Variants in RGS6 observed in about 807,000 individuals in gnomAD.
The protein encoded by RGS6 is regulator of G protein signaling 6.
RGS6 carries 30 observed loss-of-function variants against 78.5 expected under a neutral mutation model. That is an observed-to-expected ratio of 0.38 (90% CI 0.29 to 0.52). The LOEUF is 0.52. Among genes scored for constraint, RGS6 ranks in the 20% least tolerant of loss-of-function variants. RGS6 has a pLI of 0.85. For synonymous variants in RGS6, 206 were observed against 206.0 expected, an observed-to-expected ratio of 1.00 and a Z score of 0.00; for missense variants, 495 against 609.7, an observed-to-expected ratio of 0.81 and a Z score of 1.98.
chr14:72,555,524 ATTGCCCAGAGAGG>A (rs1346481205), intron 17 of RGS6, among the ~76,000 whole-genome samples: 1 of 152,234 alleles, frequency 6.6e-6, no homozygotes, highest in African/African-American at 2.4e-5. Flanking sequence ...ATCACCCTGC[ATTGCCCAGAGAGG>A]TTGCCCAGTA....
intron 2 of RGS6, among the ~76,000 whole-genome samples, chr14:72,163,847 C>T (rs1424046267): frequency 6.7e-6 from 1 of 148,180 alleles, no homozygotes; most frequent in Non-Finnish European, 1.5e-5. Flanking sequence ...TGCACCACTG[C>T]ACTCCAGCCT....
At chr14:72,541,156 G>T (rs1311621643) in intron 17 of RGS6, 1 of 1,376,316 alleles carries the variant, frequency 7.3e-7, no homozygotes, top group East Asian at 4.1e-5. Flanking sequence ...CCCAAAGGGT[G>T]GCAGCCCATT....
chr14:72,173,543 C>T (rs993263447), intron 2 of RGS6, among the ~76,000 whole-genome samples: 1 of 152,132 alleles, frequency 6.6e-6, no homozygotes, highest in Non-Finnish European at 1.5e-5. Context: ...ATAAAATGCG[C>T]GTTCAGGGAG....
chr14:72,058,722 T>C (rs1004020777), intron 2 of RGS6, among the ~76,000 whole-genome samples: 1 of 152,216 alleles, frequency 6.6e-6, no homozygotes, highest in African/African-American at 2.4e-5. Flanking sequence ...GAGACCTGAC[T>C]GATACTTTTG....
chr14:72,111,753 C>T (rs1213472076), intron 2 of RGS6, among the ~76,000 whole-genome samples: 1 of 152,094 alleles, frequency 6.6e-6, no homozygotes, highest in Non-Finnish European at 1.5e-5. Flanking sequence ...AGGGTACGTA[C>T]CTCAAGGAAG....
At chr14:72,150,543 C>G (rs1017933862) in intron 2 of RGS6, among the ~76,000 whole-genome samples, 1 of 151,970 alleles carries the variant, frequency 6.6e-6, no homozygotes, top group Non-Finnish European at 1.5e-5. Context: ...AAAAGAGGAT[C>G]CCCAGGCTCT....
At chr14:72,075,229 A>C (rs572678026) in intron 2 of RGS6, among the ~76,000 whole-genome samples, 101 of 152,202 alleles carry the variant, frequency 6.6e-4, no homozygotes, top group Non-Finnish European at 1.3e-3. Flanking sequence ...TTAAAAGTAA[A>C]CCAGGACTTG....
At chr14:72,177,303 T>C (rs1267944337) in intron 2 of RGS6, among the ~76,000 whole-genome samples, 1 of 152,166 alleles carries the variant, frequency 6.6e-6, no homozygotes, top group African/African-American at 2.4e-5. Context: ...TCTTTATATT[T>C]GATTTGTTCT....
chr14:72,384,296 TAAAGTG>T (rs1045674671), intron 3 of RGS6, among the ~76,000 whole-genome samples: 7 of 152,202 alleles, frequency 4.6e-5, no homozygotes, highest in African/African-American at 9.7e-5. Context: ...TGAAAATTGT[TAAAGTG>T]AAAGTGACAA....
At chr14:72,589,008 C>T in the RGS6 span, among the ~76,000 whole-genome samples, 2 of 152,184 alleles carry the variant, frequency 1.3e-5, no homozygotes, top group Non-Finnish European at 2.9e-5. Flanking sequence ...AGTTGGGAAG[C>T]TTGCCTCAGA....
At chr14:72,306,883 G>A (rs565363444) in intron 2 of RGS6, among the ~76,000 whole-genome samples, 1 of 152,346 alleles carries the variant, frequency 6.6e-6, no homozygotes, top group South Asian at 2.1e-4. Context: ...TGATAAGGCA[G>A]CAGCAGGGTT....
chr14:72,195,861 C>T (rs768116381), intron 2 of RGS6, among the ~76,000 whole-genome samples: 46 of 152,214 alleles, frequency 3.0e-4, no homozygotes, highest in Non-Finnish European at 3.4e-4. Flanking sequence ...TAATATTATT[C>T]TCCAAGGCAA....
At chr14:72,509,483 T>A (rs77261968) in intron 13 of RGS6, among the ~76,000 whole-genome samples, 2,033 of 152,264 alleles carry the variant, frequency 0.013, 40 homozygotes, top group African/African-American at 0.046. Context: ...GACCTCACCT[T>A]CCCTATCTGG....
intron 1 of RGS6, among the ~76,000 whole-genome samples, chr14:71,959,092 C>T (rs1040229470): frequency 4.6e-5 from 7 of 152,104 alleles, no homozygotes; most frequent in East Asian, 1.9e-4. Context: ...TTACCTGAAA[C>T]GGACACTCTG....
chr14:72,263,223 G>A (rs1050355032), intron 2 of RGS6, among the ~76,000 whole-genome samples: 1 of 152,164 alleles, frequency 6.6e-6, no homozygotes, highest in Admixed American at 6.5e-5. Context: ...TTGTATAATT[G>A]TATAATTGAT....
At chr14:72,483,069 TC>T (rs912256475) in intron 12 of RGS6, among the ~76,000 whole-genome samples, 1 of 152,168 alleles carries the variant, frequency 6.6e-6, no homozygotes, top group East Asian at 1.9e-4. Context: ...ATAAACAAGG[TC>T]CTACTCTTCT....
At chr14:72,426,762 A>C (rs545418775) in intron 3 of RGS6, among the ~76,000 whole-genome samples, 1 of 152,364 alleles carries the variant, frequency 6.6e-6, no homozygotes, top group African/African-American at 2.4e-5. Flanking sequence ...ATGGGTTAGC[A>C]AGATTTTGAG....
chr14:71,903,532 G>A, the RGS6 span, among the ~76,000 whole-genome samples: 1 of 152,224 alleles, frequency 6.6e-6, no homozygotes, highest in Non-Finnish European at 1.5e-5. Flanking sequence ...CCACTTGAAT[G>A]AGGGTGGTTC....
rs542424517 is a variant in RGS6 at position 71,960,186 on chromosome 14, C to T, written c.-20-4586C>T. On this transcript the variant is annotated intron_variant, in intron 1 of 17. Transcript: ENST00000553525. ...CACAATCCTGACTTTCAATGATTCA[C>T]GAATCTGTTTGTGTCACAGGTGCTC... Among the ~76,000 whole-genome samples the T allele has an allele frequency of 4.6e-5, 7 of 152,300 alleles. No homozygotes were observed. The South Asian group carries it at 8.3e-4, about 18-fold the overall frequency.
Sources: allele counts gnomAD v4.1 joint callset (sites outside exome capture counted in the v4.1 genomes callset), GRCh38; gene constraint gnomAD v4.1.1; transcripts MANE v1.5; gene names NCBI Gene and HGNC (gene_info 2026-07-23, HGNC 2026-07-21).